IGFL2: variants seen among roughly 807,000 people sequenced by gnomAD.
IGFL2 encodes the protein insulin growth factor-like family member 2.
A neutral mutation model predicts 13.9 loss-of-function variants in IGFL2; 7 were observed. The observed-to-expected ratio is 0.51, with a 90% CI of 0.29 to 0.95. The LOEUF (loss-of-function observed/expected upper bound fraction) is 0.95, where lower values mean the gene tolerates loss of function less well. Among genes scored for constraint, IGFL2 ranks in the 40% least tolerant of loss-of-function variants. IGFL2 has a pLI of 0.08. For missense variants in IGFL2, 138 were observed against 147.8 expected, an observed-to-expected ratio of 0.93 and a Z score of 0.34; for synonymous variants, 55 against 55.8, an observed-to-expected ratio of 0.99 and a Z score of 0.07.
chr19:46,190,510 C>G, the IGFL2 span: 2 of 152,228 alleles, frequency 1.3e-5, no homozygotes, highest in African/African-American at 4.8e-5. Flanking sequence ...ACCACAAATT[C>G]CACAGGGTGC....
chr19:46,184,691 A>G, the IGFL2 span, among the ~76,000 whole-genome samples: 5 of 152,166 alleles, frequency 3.3e-5, no homozygotes, highest in African/African-American at 1.2e-4. Context: ...AGTCTTTGCT[A>G]TTGTGAACAG....
At chr19:46,160,491 G>C in intron 2 of IGFL2, 23 bp downstream of exon 2, 1 of 1,613,738 alleles carries the variant, frequency 6.2e-7, no homozygotes, top group Non-Finnish European at 8.5e-7. Flanking sequence ...ATGGGCAAGA[G>C]TGAAGAGGAA....
the IGFL2 span, among the ~76,000 whole-genome samples, chr19:46,200,552 G>T: frequency 7.8e-6 from 1 of 128,562 alleles, no homozygotes; most frequent in Non-Finnish European, 1.7e-5. Flanking sequence ...GTCTCACTCT[G>T]TTGCCCAGGC....
the IGFL2 span, among the ~76,000 whole-genome samples, chr19:46,185,080 C>G: frequency 6.6e-6 from 1 of 152,116 alleles, no homozygotes. Context: ...CCTTTGCCTA[C>G]TTTTTGATGG....
the IGFL2 span, among the ~76,000 whole-genome samples, chr19:46,168,216 T>G: frequency 6.6e-6 from 1 of 152,178 alleles, no homozygotes; most frequent in Admixed American, 6.5e-5. Context: ...ATTACAGGCA[T>G]GAGCTGCCAA....
At chr19:46,118,543 G>A in the IGFL2 span, among the ~76,000 whole-genome samples, 2 of 152,206 alleles carry the variant, frequency 1.3e-5, no homozygotes, top group African/African-American at 4.8e-5. Context: ...CCTCCGGCCT[G>A]ACATATGAAG....
At chr19:46,145,439 A>G (rs1194995803), upstream of IGFL2, among the ~76,000 whole-genome samples, 1 of 151,930 alleles carries the variant, frequency 6.6e-6, no homozygotes, top group Non-Finnish European at 1.5e-5. Flanking sequence ...CACCCCAAAC[A>G]GGTTTCCACA....
chr19:46,183,787 C>T, the IGFL2 span, among the ~76,000 whole-genome samples: 1 of 152,138 alleles, frequency 6.6e-6, no homozygotes, highest in Non-Finnish European at 1.5e-5. Context: ...CTGCCTGCCT[C>T]GGCCTTCCAA....
At chr19:46,117,843 C>T in the IGFL2 span, among the ~76,000 whole-genome samples, 6 of 152,142 alleles carry the variant, frequency 3.9e-5, no homozygotes, top group African/African-American at 1.4e-4. Flanking sequence ...GGAGATAGCA[C>T]TTCTTCCTGC....
intron 3 of IGFL2, 61 bp from the exon 4 acceptor site, chr19:46,161,009 A>G (rs2146891290): frequency 3.2e-6 from 5 of 1,559,040 alleles, no homozygotes; most frequent in South Asian, 2.3e-5. Flanking sequence ...CAGTTTCTCA[A>G]ATATTTTCAG....
the IGFL2 span, among the ~76,000 whole-genome samples, chr19:46,079,622 A>G: frequency 1.3e-5 from 2 of 152,052 alleles, no homozygotes; most frequent in Non-Finnish European, 2.9e-5. Flanking sequence ...CTGTACCTGA[A>G]TGGCAGGTAC....
chr19:46,096,952 A>G, the IGFL2 span, among the ~76,000 whole-genome samples: 4 of 152,218 alleles, frequency 2.6e-5, no homozygotes, highest in Non-Finnish European at 5.9e-5. Context: ...GTTGGTATTC[A>G]TCAGGGATAT....
chr19:46,089,619 G>T, the IGFL2 span, among the ~76,000 whole-genome samples: 1 of 150,734 alleles, frequency 6.6e-6, no homozygotes. Flanking sequence ...TTCTGAAGAA[G>T]ATCCTTTTAG....
the IGFL2 span, among the ~76,000 whole-genome samples, chr19:46,107,350 G>T: frequency 0.11 from 16,136 of 152,228 alleles, 1,203 homozygotes; most frequent in African/African-American, 0.2. Context: ...GAGTCAGTCA[G>T]AGAGCCTTGG....
chr19:46,108,012 G>A, the IGFL2 span, among the ~76,000 whole-genome samples: 2 of 152,240 alleles, frequency 1.3e-5, no homozygotes. Context: ...GCAGGTGGCG[G>A]AGGGCTAGTT....
chr19:46,082,924 T>G, the IGFL2 span, among the ~76,000 whole-genome samples: 6 of 152,126 alleles, frequency 3.9e-5, no homozygotes, highest in Admixed American at 6.5e-5. Flanking sequence ...ACTTGCACAA[T>G]TACATAACCA....
chr19:46,149,917 A>G (rs1973382308), intron 1 of IGFL2, among the ~76,000 whole-genome samples: 2 of 152,196 alleles, frequency 1.3e-5, no homozygotes, highest in African/African-American at 4.8e-5. Flanking sequence ...GCTACGCCAC[A>G]TGGTAATTCT....
At chr19:46,127,779 T>A in the IGFL2 span, among the ~76,000 whole-genome samples, 1 of 152,188 alleles carries the variant, frequency 6.6e-6, no homozygotes, top group Non-Finnish European at 1.5e-5. Flanking sequence ...TTTAAAATGT[T>A]AAAAAATCTA....
chr19:46,104,276 C>A, the IGFL2 span, among the ~76,000 whole-genome samples: 1 of 152,220 alleles, frequency 6.6e-6, no homozygotes, highest in South Asian at 2.1e-4. Flanking sequence ...CTGAGAAGGG[C>A]AAGAGGTAAA....
Sources: allele counts gnomAD v4.1 joint callset (sites outside exome capture counted in the v4.1 genomes callset), GRCh38; gene constraint gnomAD v4.1.1; transcripts MANE v1.5; gene names NCBI Gene and HGNC (gene_info 2026-07-23, HGNC 2026-07-21).